The following SVIL variants were observed in gnomAD, a reference collection of about 807,000 sequenced individuals.
SVIL encodes archvillin.
A neutral mutation model predicts 240.4 loss-of-function variants in SVIL; 101 were observed. That is an observed-to-expected ratio of 0.42 (90% CI 0.36 to 0.50). The LOEUF (loss-of-function observed/expected upper bound fraction) is 0.50, where lower values mean the gene tolerates loss of function less well. Among genes scored for constraint, SVIL ranks in the 20% least tolerant of loss-of-function variants. The pLI is 0.01. For missense variants in SVIL, 2,512 were observed against 2,818.7 expected, an observed-to-expected ratio of 0.89 and a Z score of 2.46; for synonymous variants, 999 against 1,100.0, an observed-to-expected ratio of 0.91 and a Z score of 1.82.
chr10:29,615,254 T>C (rs1370691074), intron 1 of SVIL, among the ~76,000 whole-genome samples: 1 of 152,138 alleles, frequency 6.6e-6, no homozygotes, highest in African/African-American at 2.4e-5. Context: ...TTAGCTTTAA[T>C]TAAAGAATTT....
rs1033714307 is a variant in SVIL at position 29,530,797 on chromosome 10, G to C, written c.2045-129C>G. The C allele has an allele frequency of 1.1e-5, 11 of 1,006,850 alleles. No individual in the cohort carries two copies. In the African/African-American group the frequency reaches 1.8e-4, roughly 16 times the overall value. 62.4% of individuals were successfully genotyped at this position (1,006,850 alleles called of 1,614,324 possible). ...TAGGTGCACTAAAATAATAATTGGTGGTAGTTTCCCCTTGCAGGGAGCCCA... is the reference window on the plus strand; with the variant it reads ...TAGGTGCACTAAAATAATAATTGGTCGTAGTTTCCCCTTGCAGGGAGCCCA... On this transcript the variant is annotated intron_variant, in intron 10 of 37. Transcript: ENST00000355867.
chr10:29,672,498 A>G (rs563039795), intron 2 of SVIL, among the ~76,000 whole-genome samples: 7 of 152,224 alleles, frequency 4.6e-5, no homozygotes, highest in Non-Finnish European at 8.8e-5. Flanking sequence ...AGAAAAAAAT[A>G]GAAATGCCAC....
chr10:29,655,383 T>C (rs1249721557), intron 3 of SVIL, among the ~76,000 whole-genome samples: 1 of 152,084 alleles, frequency 6.6e-6, no homozygotes, highest in Non-Finnish European at 1.5e-5. Context: ...GAATTTGATG[T>C]CCAAGGGCAG....
chr10:29,708,073 C>G (rs7911666), intron 1 of SVIL, among the ~76,000 whole-genome samples: 1 of 150,840 alleles, frequency 6.6e-6, no homozygotes, highest in East Asian at 2.0e-4. Context: ...CTGGCTAACA[C>G]GGTGAAACCC....
intron 1 of SVIL, among the ~76,000 whole-genome samples, chr10:29,583,338 C>A (rs12251725): frequency 0.031 from 4,691 of 152,188 alleles, 234 homozygotes; most frequent in African/African-American, 0.11. Flanking sequence ...GGCTCTGTTG[C>A]CCAAGCTGCA....
In SVIL at chr10:29,463,553, G is replaced by A. The variant is rs201908604; in HGVS notation, c.6216C>T (p.Ala2072=). Residue 2072 remains alanine (A), a synonymous_variant, in exon 35 of 38, where the codon GCC becomes GCT. Transcript: ENST00000355867. ...WPIENKITGS[A]RIRWASDRKS... ...TCCGGTCGGAGGCCCAGCGGATGCG[G>A]GCGGAACCAGTGATCTTGTTCTCGA... The A allele has an allele frequency of 4.3e-6, 7 of 1,614,164 alleles. No individual in the cohort carries two copies. The African/African-American group carries it at 5.3e-5, about 12-fold the overall frequency.
chr10:29,686,208 T>C (rs1961057316), intron 2 of SVIL, among the ~76,000 whole-genome samples: 1 of 152,230 alleles, frequency 6.6e-6, no homozygotes, highest in African/African-American at 2.4e-5. Flanking sequence ...ACTTTAGTGG[T>C]CTTCCTGTAA....
chr10:29,681,068 G>A (rs768026935), intron 2 of SVIL, among the ~76,000 whole-genome samples: 15 of 152,142 alleles, frequency 9.9e-5, no homozygotes, highest in Non-Finnish European at 1.8e-4. Context: ...CAGGGCGGAA[G>A]AGAGGTGAGT....
At chr10:29,565,957 T>G (rs1354886407) in intron 2 of SVIL, among the ~76,000 whole-genome samples, 1 of 152,212 alleles carries the variant, frequency 6.6e-6, no homozygotes, top group African/African-American at 2.4e-5. Context: ...AATGAATGAA[T>G]GATTACTACA....
intron 1 of SVIL, among the ~76,000 whole-genome samples, chr10:29,574,615 A>C (rs1333097864): frequency 6.6e-6 from 1 of 152,160 alleles, no homozygotes; most frequent in Non-Finnish European, 1.5e-5. Flanking sequence ...TCAAGGTCAC[A>C]AAGCTTGTGG....
At chr10:29,714,102 G>C (rs1963466582) in intron 1 of SVIL, among the ~76,000 whole-genome samples, 1 of 152,130 alleles carries the variant, frequency 6.6e-6, no homozygotes, top group African/African-American at 2.4e-5. Context: ...TTAGAGAGTG[G>C]GAAGTTACTT....
At chr10:29,694,231 CAAAA>C (rs61095076) in intron 1 of SVIL, among the ~76,000 whole-genome samples, 2 of 99,844 alleles carry the variant, frequency 2.0e-5, no homozygotes, top group African/African-American at 3.8e-5. Flanking sequence ...CTGTGTCTAC[CAAAA>C]AAAAAAAAAA....
chr10:29,536,014 G>T lies in SVIL; in HGVS notation c.883C>A (p.Pro295Thr), dbSNP rs766689252. 5.6e-6 allele frequency: 9 copies of T among 1,614,120 alleles called. No individual in the cohort carries two copies. Among genetic ancestry groups the T allele is most frequent in the Non-Finnish European group, 7.6e-6 (9 of 1,180,058 alleles). Residue 295 changes from proline (P) to threonine (T), a missense_variant, in exon 7 of 38, where the codon CCT becomes ACT. By Grantham distance (38) the Pro-to-Thr change is conservative. Around this residue, in one of 3 missense-constraint regions of SVIL, gnomAD observed 1,443 missense variants for 1,486.6 expected, o/e 0.97. Coordinates refer to ENST00000355867, the MANE Select transcript of SVIL (RefSeq NM_021738.3). ...FLQKDSEGDT[P>T]SLINWPSRVK... ...CTGGAAGGCCAGTTGATAAGTGAAG[G>T]TGTGTCCCCTTCGGAATCTTTCTGG...
intron 1 of SVIL, among the ~76,000 whole-genome samples, chr10:29,598,107 G>A (rs1358132066): frequency 6.6e-6 from 1 of 152,136 alleles, no homozygotes; most frequent in Non-Finnish European, 1.5e-5. Flanking sequence ...CTACAACGTA[G>A]ATCATGCTAA....
At chr10:29,613,418 G>A (rs1957322341) in intron 1 of SVIL, among the ~76,000 whole-genome samples, 1 of 152,022 alleles carries the variant, frequency 6.6e-6, no homozygotes, top group South Asian at 2.1e-4. Context: ...CTGCAACCTC[G>A]AACTCCTGGG....
In SVIL at chr10:29,458,351, A is replaced by G. The variant is rs780229446; in HGVS notation, c.6559-18T>C. 11 of 1,613,672 alleles carry G rather than the reference A, an allele frequency of 6.8e-6. No individual in the cohort carries two copies. The highest frequency in any genetic ancestry group is 1.3e-5 in the African/African-American group (1 of 74,864). On this transcript the variant is annotated intron_variant, in intron 37 of 37. Transcript: ENST00000355867. The stretch of plus-strand genomic sequence containing the variant: ...AGTGCAAACTGGAAACATTGGGAGA[A>G]GCGCCCCGCGGCTCAGTGAAAGGAG...
At chr10:29,713,793 G>A (rs957932507) in intron 1 of SVIL, among the ~76,000 whole-genome samples, 5 of 152,198 alleles carry the variant, frequency 3.3e-5, no homozygotes, top group Admixed American at 2.0e-4. Flanking sequence ...CAATATACTT[G>A]AAGCTTTTCC....
In SVIL at chr10:29,729,789, G is replaced by A. The variant is rs566524947; in HGVS notation, c.-400+5962C>T. Among the ~76,000 whole-genome samples the A allele has an allele frequency of 2.1e-3, 266 of 126,688 alleles. 2 individuals are homozygous for A. Among genetic ancestry groups the A allele is most frequent in the African/African-American group, 7.7e-3 (250 of 32,582 alleles). 83.1% of individuals were successfully genotyped at this position (126,688 alleles called of 152,430 possible). A position where few individuals can be genotyped will look rare whatever the true frequency, so the allele number is the denominator to read the frequency against. On this transcript the variant is annotated intron_variant, in intron 1 of 35. Coordinates refer to the SVIL transcript ENST00000375400. ...GCAGAGGTTGCAGTGAGCCGAGATT[G>A]CACCGTTGCACTCCAGCCTGGGTGG...
At chr10:29,626,998 T>C in intron 1 of SVIL, among the ~76,000 whole-genome samples, 1 of 151,900 alleles carries the variant, frequency 6.6e-6, no homozygotes, top group Non-Finnish European at 1.5e-5. Flanking sequence ...AGCTCCAGCC[T>C]GGGAGACTGA....
Sources: gnomAD v4.1 joint callset for allele counts (sites outside exome capture counted in the v4.1 genomes callset) on GRCh38, gnomAD v4.1.1 for gene constraint, gnomAD v4.1.1 regional missense constraint, MANE v1.5 for transcripts, NCBI Gene and HGNC (gene_info 2026-07-23, HGNC 2026-07-21) for gene names.